Variants in ZSCAN30 observed in about 807,000 individuals in gnomAD.
The protein encoded by ZSCAN30 is zinc finger and SCAN domain containing 30.
A neutral mutation model predicts 44.3 loss-of-function variants in ZSCAN30; 37 were observed. The observed-to-expected ratio is 0.84, with a 90% CI of 0.64 to 1.10. The LOEUF is 1.10. ZSCAN30 is among the 50% of genes least tolerant of loss of function. ZSCAN30 has a pLI of 0.00. For missense variants in ZSCAN30, 549 were observed against 582.6 expected, an observed-to-expected ratio of 0.94 and a Z score of 0.59; for synonymous variants, 181 against 204.6, an observed-to-expected ratio of 0.88 and a Z score of 0.98.
intron 3 of ZSCAN30, chr18:35,263,099 G>T: frequency 3.2e-6 from 1 of 316,830 alleles, no homozygotes; most frequent in South Asian, 2.5e-5. Context: ...TATTTAGCCA[G>T]GCATGGTGGT....
chr18:35,254,420 C>G, intron 3 of ZSCAN30, 39 bp from the exon 4 acceptor site: 2 of 1,613,476 alleles, frequency 1.2e-6, no homozygotes, highest in Non-Finnish European at 1.7e-6. Context: ...TCATTTACTT[C>G]CCATGACAGA....
chr18:35,275,458 AC>A (rs1477920210), intron 1 of ZSCAN30, among the ~76,000 whole-genome samples: 1 of 152,054 alleles, frequency 6.6e-6, no homozygotes, highest in African/African-American at 2.4e-5. Flanking sequence ...TGATGATATA[AC>A]CTCCTTCTTC....
intron 3 of ZSCAN30, chr18:35,262,560 A>G (rs1295802559): frequency 6.6e-6 from 1 of 151,734 alleles, no homozygotes; most frequent in Non-Finnish European, 1.5e-5. Flanking sequence ...TGGTTCTGGC[A>G]TGTTCTTTGT....
At chr18:35,263,308 A>C (rs1312360889) in intron 3 of ZSCAN30, 1 of 561,810 alleles carries the variant, frequency 1.8e-6, no homozygotes. Context: ...ATTTTACTAA[A>C]GACTTTAATT....
chr18:35,254,029 C>T lies in ZSCAN30; in HGVS notation c.906G>A (p.Glu302=). ...QSVDTREKLY[E]CFDCGKAFCQ... ...AAAAGGCCTTCCCACAGTCAAAGCA[C>T]TCATAGAGCTTTTCCCTAGTGTCAA... Residue 302 remains glutamate, a synonymous_variant, in exon 4 of 4, where the codon GAG becomes GAA. Transcript: ENST00000333206. 4 of 1,614,194 alleles carry T rather than the reference C, an allele frequency of 2.5e-6. No individual in the cohort carries two copies. The highest frequency in any genetic ancestry group is 3.4e-6 in the Non-Finnish European group (4 of 1,180,026).
chr18:35,253,114 C>A lies in ZSCAN30; in HGVS notation c.*336G>T. ...AGAAGCTCTTTCAGGATCTCTGCCC[C>A]AATCCTGGCATTACTGTGAAGGTGC... On this transcript the variant is annotated 3_prime_UTR_variant, in exon 4 of 4. Coordinates refer to ENST00000333206, the MANE Select transcript of ZSCAN30 (RefSeq NM_001112734.4). The A allele has an allele frequency of 5.1e-6, 1 of 195,504 alleles. No homozygotes were observed. 12.1% of individuals were successfully genotyped at this position (195,504 alleles called of 1,614,324 possible). A position where few individuals can be genotyped will look rare whatever the true frequency, so the allele number is the denominator to read the frequency against.
Position 35,254,489 on chromosome 18 carries a change from A to G in ZSCAN30, c.554-108T>C, listed in dbSNP as rs1318176868. On this transcript the variant is annotated intron_variant, in intron 3 of 3. Coordinates refer to ENST00000333206, the MANE Select transcript of ZSCAN30 (RefSeq NM_001112734.4). The stretch of plus-strand genomic sequence containing the variant: ...AAATAGGTATTTATTTATTAGGAGG[A>G]CAGTTCTCAAAACTAGATTCCCAAT... The G allele has an allele frequency of 1.3e-5, 20 of 1,561,528 alleles. 1 individual carries two copies. In the South Asian group the frequency reaches 2.2e-4, roughly 17 times the overall value.
chr18:35,270,798 C>T lies in ZSCAN30; in HGVS notation c.-103-6343G>A, dbSNP rs926460279. Among the ~76,000 whole-genome samples, 11 of 152,318 alleles carry T rather than the reference C, an allele frequency of 7.2e-5. 1 individual carries two copies. In the South Asian group the frequency reaches 1.5e-3, roughly 20 times the overall value. On this transcript the variant is annotated intron_variant, in intron 1 of 3. Transcript: ENST00000333206. Reference sequence around the variant, plus strand: ...CTTCAAGAATAAAGCCGCGGACCCTCGCAGTGAGTGTTAACAGTTCTTAAA... The same window carrying T: ...CTTCAAGAATAAAGCCGCGGACCCTTGCAGTGAGTGTTAACAGTTCTTAAA...
At chr18:35,271,234 C>T (rs1223114885) in intron 1 of ZSCAN30, among the ~76,000 whole-genome samples, 1 of 152,216 alleles carries the variant, frequency 6.6e-6, no homozygotes, top group Non-Finnish European at 1.5e-5. Context: ...CCACATCCTA[C>T]TGATTGGTCC....
intron 3 of ZSCAN30, chr18:35,255,737 C>T (rs906239781): frequency 6.5e-6 from 1 of 154,324 alleles, no homozygotes; most frequent in Non-Finnish European, 1.5e-5. Flanking sequence ...GTCTGGCTTC[C>T]CGTTTTCCCC....
Position 35,264,320 on chromosome 18 carries a change from A to G in ZSCAN30, c.33T>C (p.His11=), listed in dbSNP as rs1235224084. 5 of 1,613,910 alleles carry G rather than the reference A, an allele frequency of 3.1e-6. No individual in the cohort carries two copies. The South Asian group carries it at 5.5e-5, about 18-fold the overall frequency. MSGEATVLAY[H]APEEQEGLLV... is the part of the protein sequence containing the mutation. ...GAAGTCCTTCCTGTTCTTCTGGAGC[A>G]TGGTAGGCCAAGACTGTGGCCTCTC... The change falls in exon 2 of 4, where the codon CAT becomes CAC. Residue 11 remains histidine (H), a synonymous_variant. Coordinates refer to ENST00000333206, the MANE Select transcript of ZSCAN30 (RefSeq NM_001112734.4).
chr18:35,263,703 G>A (rs1348469408), intron 2 of ZSCAN30, 46 bp from the exon 3 acceptor site: 2 of 1,602,834 alleles, frequency 1.2e-6, no homozygotes, highest in Non-Finnish European at 1.7e-6. Context: ...GGATACACAA[G>A]CAGAAAACTC....
In ZSCAN30 at chr18:35,253,886, A is replaced by G; in HGVS notation, c.1049T>C (p.Ile350Thr). 6.2e-7 allele frequency: 1 copy of G among 1,614,130 alleles called. No homozygotes were observed. The highest frequency in any genetic ancestry group is 8.5e-7 in the Non-Finnish European group (1 of 1,180,026). Residue 350 changes from isoleucine (I) to threonine (T), a missense_variant, in exon 4 of 4, where the codon ATT becomes ACT. Coordinates refer to ENST00000333206, the MANE Select transcript of ZSCAN30 (RefSeq NM_001112734.4). ...TTCATAGGGTTTTTCACCACTATGAATTCTCTGATGTCTAACAAGGTCTGA... is the reference window on the plus strand; with the variant it reads ...TTCATAGGGTTTTTCACCACTATGAGTTCTCTGATGTCTAACAAGGTCTGA... ...LSSDLVRHQRIHSGEKPYECC... is the reference protein window; with the variant it reads ...LSSDLVRHQRTHSGEKPYECC...
At chr18:35,263,827 T>C in intron 2 of ZSCAN30, 118 bp downstream of exon 2, 1 of 1,435,524 alleles carries the variant, frequency 7.0e-7, no homozygotes, top group East Asian at 2.3e-5. Flanking sequence ...GAATAATTAA[T>C]AACCCAAAAG....
chr18:35,287,005 T>C (rs1242873939), intron 1 of ZSCAN30, among the ~76,000 whole-genome samples: 1 of 152,194 alleles, frequency 6.6e-6, no homozygotes, highest in Non-Finnish European at 1.5e-5. Flanking sequence ...AAATCAATTG[T>C]ATTTCTCTAT....
At chr18:35,273,878 T>G (rs2143747105) in intron 1 of ZSCAN30, among the ~76,000 whole-genome samples, 1 of 152,262 alleles carries the variant, frequency 6.6e-6, no homozygotes, top group East Asian at 1.9e-4. Context: ...TATCCAAATC[T>G]AATTATCCTA....
intron 1 of ZSCAN30, among the ~76,000 whole-genome samples, chr18:35,274,963 T>C (rs2044345192): frequency 6.6e-6 from 1 of 152,224 alleles, no homozygotes; most frequent in African/African-American, 2.4e-5. Context: ...TTTATATATA[T>C]TGGGCTTTAC....
intron 1 of ZSCAN30, among the ~76,000 whole-genome samples, chr18:35,265,160 T>C (rs1317675124): frequency 6.6e-6 from 1 of 150,876 alleles, no homozygotes; most frequent in Non-Finnish European, 1.5e-5. Context: ...AAAAAAAAAT[T>C]ACGCCCATTT....
intron 1 of ZSCAN30, chr18:35,267,356 G>C (rs894275840): frequency 2.0e-5 from 3 of 152,362 alleles, no homozygotes; most frequent in Admixed American, 6.5e-5. Flanking sequence ...CGGGACCCCA[G>C]ATACAGCCGA....
Sources: gnomAD v4.1 joint callset for allele counts (sites outside exome capture counted in the v4.1 genomes callset) on GRCh38, gnomAD v4.1.1 for gene constraint, MANE v1.5 for transcripts, NCBI Gene and HGNC (gene_info 2026-07-23, HGNC 2026-07-21) for gene names.